ZNF385A: variants seen among roughly 807,000 people sequenced by gnomAD.
ZNF385A encodes zinc finger protein 385A, also known as hematopoietic zinc finger protein.
Under a neutral mutation model 32.1 loss-of-function variants are expected in ZNF385A, and 14 were observed. The ratio of observed to expected loss-of-function variants is 0.44; its 90% confidence interval spans 0.29 to 0.68. The LOEUF is 0.68. Among genes scored for constraint, ZNF385A ranks in the 30% least tolerant of loss-of-function variants. The probability of loss-of-function intolerance (pLI) is 0.14; values close to 1 mark genes in which losing one functional copy is unlikely to be tolerated. For missense variants in ZNF385A, 406 were observed against 478.4 expected (o/e 0.85, Z 1.41); for synonymous variants, 197 against 202.7 (o/e 0.97, Z 0.24).
chr12:54,376,180 A>G (rs537042403), intron 1 of ZNF385A, among the ~76,000 whole-genome samples: 1 of 152,352 alleles, frequency 6.6e-6, no homozygotes, highest in African/African-American at 2.4e-5. Flanking sequence ...TACAGGACAT[A>G]GAAGTGGTTT....
At chr12:54,372,365 G>A (rs1461190575) in intron 3 of ZNF385A, among the ~76,000 whole-genome samples, 3 of 152,202 alleles carry the variant, frequency 2.0e-5, no homozygotes, top group Non-Finnish European at 2.9e-5. Context: ...GGGTCATGGC[G>A]AGGCTGGCAG....
At chr12:54,389,159 C>A (rs1412493796), upstream of ZNF385A, among the ~76,000 whole-genome samples, 1 of 152,192 alleles carries the variant, frequency 6.6e-6, no homozygotes, top group Non-Finnish European at 1.5e-5. Flanking sequence ...AGGCTTAGAA[C>A]AGGGAACCTG....
At chr12:54,386,370 C>A (rs997994125), upstream of ZNF385A, among the ~76,000 whole-genome samples, 1 of 151,976 alleles carries the variant, frequency 6.6e-6, no homozygotes, top group East Asian at 1.9e-4. Flanking sequence ...GAGACACTGC[C>A]GAAAAGCTGG....
chr12:54,387,489 CCCTCTCTTTTT>C (rs1223598668), upstream of ZNF385A, among the ~76,000 whole-genome samples: 2 of 152,226 alleles, frequency 1.3e-5, no homozygotes, highest in African/African-American at 4.8e-5. Context: ...TTAGGCCTCT[CCCTCTCTTTTT>C]CTGAGGCTAA....
In ZNF385A at chr12:54,370,192, G is replaced by A; in HGVS notation, c.*64C>T. ...AGTGCCGGGAGGAGGGGCGGGCTGG[G>A]AGCCCGGACGCCTGGGTCCCGGCTG... On this transcript the variant is annotated 3_prime_UTR_variant, in exon 7 of 7. Transcript: ENST00000394313. The surrounding 1 kb of genome is among the most constrained non-coding windows in gnomAD (Gnocchi z 5.5). 1 of 1,272,956 alleles carries A rather than the reference G, an allele frequency of 7.9e-7. No individual in the cohort carries two copies. The highest frequency in any genetic ancestry group is 1.0e-6 in the Non-Finnish European group (1 of 957,104). The allele number at this position is 1,272,956 out of a possible 1,614,324, so 78.9% of individuals were successfully genotyped here.
At chr12:54,380,883 C>T (rs1008224507) in intron 1 of ZNF385A, among the ~76,000 whole-genome samples, 2 of 151,998 alleles carry the variant, frequency 1.3e-5, no homozygotes, top group South Asian at 2.1e-4. Flanking sequence ...GGCAACATGG[C>T]GAAACTCCAT....
At chr12:54,384,807 C>G (rs1214748643), upstream of ZNF385A, 1 of 1,228,720 alleles carries the variant, frequency 8.1e-7, no homozygotes, top group Non-Finnish European at 1.0e-6. Context: ...CTTTTCCAGC[C>G]TCCCTCCCCC....
rs989688959 is a variant in ZNF385A, at chr12:54,377,187, G to A, written c.88-1233C>T. ...TCTCACCAGTAGTTTCACTGGCTGG[G>A]TGGGGTTAATGTCAGGAAATGGGCT... is the stretch of plus-strand genomic sequence containing the variant. On this transcript the variant is annotated intron_variant, in intron 1 of 6. Coordinates refer to ENST00000394313, the MANE Select transcript of ZNF385A (RefSeq NM_015481.3). Among the ~76,000 whole-genome samples, 4 of 152,202 alleles carry A rather than the reference G, an allele frequency of 2.6e-5. No homozygotes were observed. The East Asian group carries it at 7.7e-4, about 29-fold the overall frequency.
rs944657155 is a variant in ZNF385A at position 54,370,194 on chromosome 12, G to T, written c.*62C>A. ...TGCCGGGAGGAGGGGCGGGCTGGGA[G>T]CCCGGACGCCTGGGTCCCGGCTGGA... On this transcript the variant is annotated 3_prime_UTR_variant, in exon 7 of 7. Coordinates refer to ENST00000394313, the MANE Select transcript of ZNF385A (RefSeq NM_015481.3). This position sits in a 1 kb window ranked among gnomAD's most constrained non-coding sequence, Gnocchi z 5.5. 7.7e-7 allele frequency: 1 copy of T among 1,302,196 alleles called. No homozygotes were observed. Among genetic ancestry groups the T allele is most frequent in the Non-Finnish European group, 1.0e-6 (1 of 984,026 alleles). 80.7% of individuals were successfully genotyped at this position (1,302,196 alleles called of 1,614,324 possible). A position where few individuals can be genotyped will look rare whatever the true frequency, so the allele number is the denominator to read the frequency against.
chr12:54,377,739 A>C (rs1370892520), intron 1 of ZNF385A, among the ~76,000 whole-genome samples: 1 of 151,700 alleles, frequency 6.6e-6, no homozygotes, highest in African/African-American at 2.4e-5. Context: ...GAGACCCCCA[A>C]CTCTGTTCCA....
chr12:54,369,707 C>T lies in ZNF385A; in HGVS notation c.*549G>A, dbSNP rs1311915439. 1 of 152,876 alleles carries T rather than the reference C, an allele frequency of 6.5e-6. No individual in the cohort carries two copies. The highest frequency in any genetic ancestry group is 6.5e-5 in the Admixed American group (1 of 15,284). The allele number at this position is 152,876 out of a possible 1,614,324, so 9.5% of individuals were successfully genotyped here. A position where few individuals can be genotyped will look rare whatever the true frequency, so the allele number is the denominator to read the frequency against. Reference sequence around the variant, plus strand: ...GGCCCGGCTAGACCTGGGGCTAGGGCATGGTGCGGGGCGGGCACAGTGAGG... The same window carrying T: ...GGCCCGGCTAGACCTGGGGCTAGGGTATGGTGCGGGGCGGGCACAGTGAGG... On this transcript the variant is annotated 3_prime_UTR_variant, in exon 7 of 7. Transcript: ENST00000394313.
rs1254046454 is a variant in ZNF385A, at chr12:54,369,506, G to A, written c.*750C>T. 6.6e-6 allele frequency: 1 copy of A among 152,616 alleles called. No individual in the cohort carries two copies. Among genetic ancestry groups the A allele is most frequent in the Non-Finnish European group, 1.5e-5 (1 of 68,094 alleles). 9.5% of individuals were successfully genotyped at this position (152,616 alleles called of 1,614,324 possible). A position where few individuals can be genotyped will look rare whatever the true frequency, so the allele number is the denominator to read the frequency against. On this transcript the variant is annotated 3_prime_UTR_variant, in exon 7 of 7. Coordinates refer to ENST00000394313, the MANE Select transcript of ZNF385A (RefSeq NM_015481.3). The stretch of plus-strand genomic sequence containing the variant: ...CACAGTTTTGCGGAAGGCGAGGCGG[G>A]GGTGGGCTTGGACTGGACACCCCTT...
intron 1 of ZNF385A, among the ~76,000 whole-genome samples, chr12:54,379,909 C>T (rs1358651821): frequency 2.0e-5 from 3 of 152,244 alleles, no homozygotes; most frequent in African/African-American, 2.4e-5. Context: ...CCCACTCCCC[C>T]AGACACCTCG....
chr12:54,381,997 G>A (rs539077385), intron 1 of ZNF385A, among the ~76,000 whole-genome samples: 30 of 151,930 alleles, frequency 2.0e-4, no homozygotes, highest in East Asian at 7.7e-4. Context: ...ACTGAGTCCC[G>A]TGTCCCTGAC....
Position 54,370,551 on chromosome 12 carries a change from TG to T in ZNF385A, c.871-66del. ...CGGTCCTGCAAACCCCACCTCTCCC[TG>T]GGCAAAGCCCGCGTCCCTCTCTCCT... is the stretch of plus-strand genomic sequence containing the variant. On this transcript the variant is annotated intron_variant, in intron 6 of 6. Transcript: ENST00000394313. This position sits in a 1 kb window ranked among gnomAD's most constrained non-coding sequence, Gnocchi z 5.5. The T allele has an allele frequency of 6.4e-7, 1 of 1,551,358 alleles. No individual in the cohort carries two copies.
intron 2 of ZNF385A, among the ~76,000 whole-genome samples, chr12:54,374,834 G>C (rs1171581866): frequency 6.6e-6 from 1 of 152,166 alleles, no homozygotes; most frequent in African/African-American, 2.4e-5. Context: ...TGGAGCCAGG[G>C]TTGATAGACA....
chr12:54,384,637 C>T lies in ZNF385A; in HGVS notation c.-123G>A. Reference sequence around the variant, plus strand: ...GGAACCCCACCCAAGCCTGCCAGTCCCACTCCCTAGCCAGGGCCCCCACAC... The same window carrying T: ...GGAACCCCACCCAAGCCTGCCAGTCTCACTCCCTAGCCAGGGCCCCCACAC... On this transcript the variant is annotated 5_prime_UTR_variant, in exon 1 of 7. Coordinates refer to ENST00000394313, the MANE Select transcript of ZNF385A (RefSeq NM_015481.3). 2 of 1,421,868 alleles carry T rather than the reference C, an allele frequency of 1.4e-6. No individual in the cohort carries two copies. The highest frequency in any genetic ancestry group is 3.0e-5 in the South Asian group (2 of 66,348). 88.1% of individuals were successfully genotyped at this position (1,421,868 alleles called of 1,614,324 possible).
At chr12:54,389,359 A>G (rs2120382280), upstream of ZNF385A, among the ~76,000 whole-genome samples, 1 of 152,292 alleles carries the variant, frequency 6.6e-6, no homozygotes, top group South Asian at 2.1e-4. Flanking sequence ...GTGGGGCCGG[A>G]GCCCTGGCTG....
intron 4 of ZNF385A, 118 bp from the exon 5 acceptor site, chr12:54,371,214 G>A: frequency 1.7e-6 from 2 of 1,200,908 alleles, no homozygotes; most frequent in Non-Finnish European, 2.2e-6. Context: ...GCACAGTGTG[G>A]GTTCTTTCTA....
Sources: allele counts gnomAD v4.1 joint callset (sites outside exome capture counted in the v4.1 genomes callset), GRCh38; gene constraint gnomAD v4.1.1; non-coding constraint Gnocchi (gnomAD v3.1); transcripts MANE v1.5; gene names NCBI Gene and HGNC (gene_info 2026-07-23, HGNC 2026-07-21).